Variants in USP17L1 observed in about 807,000 individuals in gnomAD.
The protein encoded by USP17L1 is ubiquitin specific peptidase 17 like family member 1, also known as ubiquitin carboxyl-terminal hydrolase 17-like protein 1.
A neutral mutation model predicts 31.4 loss-of-function variants in USP17L1; 42 were observed. That is an observed-to-expected ratio of 1.34 (90% confidence interval 1.05 to 1.73). The LOEUF (loss-of-function observed/expected upper bound fraction) is 1.73. Ranked by LOEUF, USP17L1 falls within the 40% of genes most tolerant of loss-of-function variation. The pLI is 0.00. For missense variants in USP17L1, 576 were observed against 495.8 expected (o/e 1.16, Z -1.54); for synonymous variants, 230 against 194.4 (o/e 1.18, Z -1.52).
Position 7,333,055 on chromosome 8 carries a change from C to T in USP17L1, c.669C>T (p.Ile223=), listed in dbSNP as rs761129753. 31 of 1,008,096 alleles carry T rather than the reference C, an allele frequency of 3.1e-5. 5 individuals are homozygous for T. The highest frequency in any genetic ancestry group is 1.8e-4 in the East Asian group (7 of 39,384). The allele number at this position is 1,008,096 out of a possible 1,614,324, so 62.4% of individuals were successfully genotyped here. Residue 223 remains isoleucine (I), a synonymous_variant, in exon 1 of 1, where the codon ATC becomes ATT. Coordinates refer to ENST00000529559, the MANE Select transcript of USP17L1 (RefSeq NM_001256873.1). ...ISDTFDPYLD[I]ALDIQAAQSV... ...ACACTTTTGACCCTTACCTGGACAT[C>T]GCCCTGGATATCCAGGCAGCTCAGA...
Position 7,333,115 on chromosome 8 carries a change from C to T in USP17L1, c.729C>T (p.Pro243=), listed in dbSNP as rs943985330. 1.3e-5 allele frequency: 11 copies of T among 818,944 alleles called. 1 individual carries two copies. The African/African-American group carries it at 1.5e-4, about 11-fold the overall frequency. The allele number at this position is 818,944 out of a possible 1,614,324, so 50.7% of individuals were successfully genotyped here. ...AAGCTTTGGAACAGTTGGTGAAGCC[C>T]GAAGAACTCAATGGAGAGAATGCCT... ...VKQALEQLVK[P]EELNGENAYH... is the part of the protein sequence containing the mutation. Residue 243 remains proline (P), a synonymous_variant, in exon 1 of 1, where the codon CCC becomes CCT. Transcript: ENST00000529559.
chr8:7,333,466 T>A lies in USP17L1; in HGVS notation c.1080T>A (p.Ile360=). 2 of 1,567,900 alleles carry A rather than the reference T, an allele frequency of 1.3e-6. No homozygotes were observed. Among genetic ancestry groups the A allele is most frequent in the Non-Finnish European group, 1.7e-6 (2 of 1,164,368 alleles). Residue 360 remains isoleucine (I), a synonymous_variant, in exon 1 of 1, where the codon ATT becomes ATA. Transcript: ENST00000529559. ...CCGAGGTCACTGTCTGTAGCATCAT[T>A]TCTGTCCTGAGTCAACAGGCCTATG... is the stretch of plus-strand genomic sequence containing the variant. The part of the protein sequence containing the change: ...DDAEVTVCSI[I]SVLSQQAYVL...
Sources: gnomAD v4.1 joint callset for allele counts on GRCh38, gnomAD v4.1.1 for gene constraint, MANE v1.5 for transcripts, NCBI Gene and HGNC (gene_info 2026-07-23, HGNC 2026-07-21) for gene names.